BICDL2: variants seen among roughly 807,000 people sequenced by gnomAD.
BICDL2 encodes the protein BICD family-like cargo adapter 2.
Under a neutral mutation model 56.6 loss-of-function variants are expected in BICDL2, and 62 were observed. The ratio of observed to expected loss-of-function variants is 1.10; its 90% CI spans 0.89 to 1.35. BICDL2 has a LOEUF of 1.35. Ranked by LOEUF, BICDL2 falls within the 40% of genes most tolerant of loss-of-function variation. The pLI, the probability that BICDL2 is intolerant of heterozygous loss-of-function variation, is 0.00. For missense variants in BICDL2, 808 were observed against 684.5 expected (o/e 1.18, Z -2.01); for synonymous variants, 358 against 319.8 (o/e 1.12, Z -1.27).
chr16:3,028,034 C>T lies in BICDL2; in HGVS notation c.*72G>A, dbSNP rs1377571935. The T allele has an allele frequency of 2.2e-6, 3 of 1,387,068 alleles. No individual in the cohort carries two copies. Among genetic ancestry groups the T allele is most frequent in the South Asian group, 1.7e-5 (1 of 58,356 alleles). 85.9% of individuals were successfully genotyped at this position (1,387,068 alleles called of 1,614,324 possible). On this transcript the variant is annotated 3_prime_UTR_variant, in exon 10 of 10. Transcript: ENST00000572449. ...GCTTCTTTTGGAAGACAATCTGGGC[C>T]CTGTCGCTCCATTGGCCTGAAGAGG...
intron 5 of BICDL2, chr16:3,030,176 A>C (rs942507815): frequency 3.9e-6 from 2 of 508,286 alleles, no homozygotes; most frequent in Non-Finnish European, 6.9e-6. Context: ...TCCATTGCGC[A>C]GCCGTGGTCT....
At chr16:3,036,147 C>T in intron 1 of BICDL2, 1 of 409,992 alleles carries the variant, frequency 2.4e-6, no homozygotes, top group Middle Eastern at 3.5e-4. Flanking sequence ...AGGATTCCCA[C>T]CCCAGTCCCC....
At chr16:3,035,176 T>TGGGGGGGGGGGGGGGGG in intron 2 of BICDL2, 39 bp downstream of exon 2, 1 of 136,274 alleles carries the variant, frequency 7.3e-6, no homozygotes, top group Non-Finnish European at 1.4e-5. Context: ...CGTCCTCCCC[T>TGGGGGGGGGGGGGGGGG]GCCCACCCAC....
intron 1 of BICDL2, 179 bp from the exon 2 acceptor site, chr16:3,035,705 A>G (rs1955725350): frequency 1.7e-6 from 1 of 592,902 alleles, no homozygotes; most frequent in Non-Finnish European, 3.0e-6. Context: ...CCTGGGGTAA[A>G]CTGAGGCAGG....
rs551959452 is a variant in BICDL2, at chr16:3,027,979, G to C, written c.*127C>G. The C allele has an allele frequency of 1.5e-6, 2 of 1,302,912 alleles. No individual in the cohort carries two copies. The highest frequency in any genetic ancestry group is 2.0e-6 in the Non-Finnish European group (2 of 1,002,674). 80.7% of individuals were successfully genotyped at this position (1,302,912 alleles called of 1,614,324 possible). On this transcript the variant is annotated 3_prime_UTR_variant, in exon 10 of 10. Transcript: ENST00000572449. Reference sequence around the variant, plus strand: ...GAGCCCCTGCTCCCGATGAGCCCTTGCCCAGCATCCTGGGGCGGGGAGGGC... The same window carrying C: ...GAGCCCCTGCTCCCGATGAGCCCTTCCCCAGCATCCTGGGGCGGGGAGGGC...
chr16:3,031,540 A>T, intron 2 of BICDL2: 1 of 426,928 alleles, frequency 2.3e-6, no homozygotes, highest in Non-Finnish European at 4.1e-6. Context: ...GGAGGCCTGG[A>T]CTCTGCCCAG....
intron 3 of BICDL2, 56 bp from the exon 4 acceptor site, chr16:3,030,868 C>T: frequency 6.4e-7 from 1 of 1,555,250 alleles, no homozygotes; most frequent in Non-Finnish European, 8.7e-7. Flanking sequence ...AATGCACCTA[C>T]TCCCCGCTGG....
intron 2 of BICDL2, 39 bp downstream of exon 2, chr16:3,035,176 T>TGGGGGGGGGGGGGGGGGGGGGGGGGGG: frequency 7.3e-6 from 1 of 136,274 alleles, no homozygotes. Flanking sequence ...CGTCCTCCCC[T>TGGGGGGGGGGGGGGGGGGGGGGGGGGG]GCCCACCCAC....
chr16:3,028,240 G>T lies in BICDL2; in HGVS notation c.1393C>A (p.Arg465Ser). ...DMQVVIGQQL[R>S]SQRQKELSAS... ...CTCAGCTCCTTCTGGCGCTGTGAGC[G>T]CAGCTGCTGCCCGATCACCACCTGC... is the stretch of plus-strand genomic sequence containing the variant. Residue 465 changes from arginine (R) to serine (S), a missense_variant, in exon 10 of 10, where the codon CGC (arginine) becomes AGC (serine). Physicochemically the swap from Arg to Ser is moderately radical, Grantham distance 110. Transcript: ENST00000572449. 6.8e-7 allele frequency: 1 copy of T among 1,472,064 alleles called. No individual in the cohort carries two copies. Among genetic ancestry groups the T allele is most frequent in the African/African-American group, 1.5e-5 (1 of 67,742 alleles). The allele number at this position is 1,472,064 out of a possible 1,614,324, so 91.2% of individuals were successfully genotyped here. A position where few individuals can be genotyped will look rare whatever the true frequency, so the allele number is the denominator to read the frequency against.
chr16:3,033,544 G>A (rs1055538624), intron 2 of BICDL2, among the ~76,000 whole-genome samples: 1 of 152,166 alleles, frequency 6.6e-6, no homozygotes, highest in Non-Finnish European at 1.5e-5. Flanking sequence ...ACTTTGGGAG[G>A]CTGAGGCAGG....
intron 2 of BICDL2, 22 bp downstream of exon 2, chr16:3,035,193 A>ACCCCCCCCCCCCC: frequency 1.4e-5 from 1 of 69,910 alleles, no homozygotes; most frequent in South Asian, 1.2e-4. Context: ...CCACCCACCC[A>ACCCCCCCCCCCCC]CCCCGTCCAG....
chr16:3,035,536 ACT>A lies in BICDL2; in HGVS notation c.-30-12_-30-11del, dbSNP rs1955723373. The A allele has an allele frequency of 6.4e-7, 1 of 1,571,826 alleles. No homozygotes were observed. The highest frequency in any genetic ancestry group is 8.6e-7 in the Non-Finnish European group (1 of 1,161,398). On this transcript the variant is annotated splice_polypyrimidine_tract_variant and intron_variant, in intron 1 of 9. Transcript: ENST00000572449. Reference sequence around the variant, plus strand: ...CTGCGGGGACAGGTGGCTGCGGGACACTCTACTCTGCAGCCTGACAGGGGCTC... The same window carrying A: ...CTGCGGGGACAGGTGGCTGCGGGACACTACTCTGCAGCCTGACAGGGGCTC...
rs1280067587 is a variant in BICDL2 at position 3,029,543 on chromosome 16, AC to A, written c.957+1del. 2 of 1,553,142 alleles carry A rather than the reference AC, an allele frequency of 1.3e-6. No individual in the cohort carries two copies. The highest frequency in any genetic ancestry group is 2.3e-5 in the South Asian group (2 of 85,450). On this transcript the variant is annotated splice_donor_variant, in intron 6 of 9. Transcript: ENST00000572449. LOFTEE classifies it high-confidence loss of function. ...AAGGGGGCTGGGGCCCCACGAGCTC[AC>A]CGGGGTGTCTCCGGGTGCGTCGGCG...
At chr16:3,031,744 A>C (rs1250173973) in intron 2 of BICDL2, 4 of 389,242 alleles carry the variant, frequency 1.0e-5, no homozygotes, top group Non-Finnish European at 1.8e-5. Context: ...GCCTGGATGA[A>C]GGTGACAATT....
rs1268363454 is a variant in BICDL2, at chr16:3,030,685, C to G, written c.615+11G>C. 1.2e-6 allele frequency: 2 copies of G among 1,608,458 alleles called. No individual in the cohort carries two copies. The highest frequency in any genetic ancestry group is 1.3e-5 in the African/African-American group (1 of 74,982). ...GGCTCAGATAATCCCCCAGCCCCAG[C>G]TGACACTCACTTCCCCCTGCAGACT... On this transcript the variant is annotated intron_variant, in intron 4 of 9. Transcript: ENST00000572449.
intron 2 of BICDL2, among the ~76,000 whole-genome samples, chr16:3,033,684 C>T (rs12924404): frequency 1.3e-5 from 2 of 151,878 alleles, no homozygotes; most frequent in African/African-American, 2.4e-5. Flanking sequence ...ACTCAGGAGG[C>T]TGAGATGGGA....
chr16:3,028,808 A>C lies in BICDL2; in HGVS notation c.1130T>G (p.Leu377Arg), dbSNP rs2151139412. 6.4e-7 allele frequency: 1 copy of C among 1,553,636 alleles called. No homozygotes were observed. Among genetic ancestry groups the C allele is most frequent in the South Asian group, 1.2e-5 (1 of 84,488 alleles). Residue 377 changes from leucine (L) to arginine (R), a missense_variant, in exon 8 of 10, where the codon CTG becomes CGG. Leu to Arg is a moderately radical substitution (Grantham distance 102). Coordinates refer to ENST00000572449, the MANE Select transcript of BICDL2 (RefSeq NM_001369667.1). ...QDEISLQQAELQSLREELQRQ... is the reference protein window; with the variant it reads ...QDEISLQQAERQSLREELQRQ... ...CTGCAGCTCTTCCCGCAGGGACTGCAGCTCTGCCTGCTGCAGCGAGATCTG... is the reference window on the plus strand; with the variant it reads ...CTGCAGCTCTTCCCGCAGGGACTGCCGCTCTGCCTGCTGCAGCGAGATCTG...
In BICDL2 at chr16:3,029,207, G is replaced by A. The variant is rs1259787503; in HGVS notation, c.1107+73C>T. The stretch of plus-strand genomic sequence containing the variant: ...ATAGGGAGCTTAGTGGGCAAAGGCT[G>A]GGAGGTGGACATGGGAGACAGAAAC... On this transcript the variant is annotated intron_variant, in intron 7 of 9. Coordinates refer to ENST00000572449, the MANE Select transcript of BICDL2 (RefSeq NM_001369667.1). 6 of 1,542,754 alleles carry A rather than the reference G, an allele frequency of 3.9e-6. No homozygotes were observed. The African/African-American group carries it at 6.8e-5, about 18-fold the overall frequency.
In BICDL2 at chr16:3,029,643, C is replaced by G. The variant is rs1036907618; in HGVS notation, c.859G>C (p.Asp287His). The change falls in exon 6 of 10, where the codon GAC becomes CAC. Residue 287 changes from aspartate (D) to histidine (H), a missense_variant. By Grantham distance (81) the Asp-to-His change is moderately conservative. Coordinates refer to ENST00000572449, the MANE Select transcript of BICDL2 (RefSeq NM_001369667.1). ...AACGAGGCAGCCGACACGTCGGCGT[C>G]CTGGAGGCGTGACTCCTCCTCCAGC... ...SELEEESRLQ[D>H]ADVSAASLQS... The G allele has an allele frequency of 2.6e-6, 4 of 1,534,758 alleles. No individual in the cohort carries two copies. The highest frequency in any genetic ancestry group is 4.1e-5 in the Admixed American group (2 of 49,064).
Sources: allele counts gnomAD v4.1 joint callset (sites outside exome capture counted in the v4.1 genomes callset), GRCh38; gene constraint gnomAD v4.1.1; transcripts MANE v1.5; gene names NCBI Gene and HGNC (gene_info 2026-07-23, HGNC 2026-07-21).